Variants in SSH2 observed in about 807,000 individuals in gnomAD.
The protein encoded by SSH2 is slingshot protein phosphatase 2, also known as protein phosphatase Slingshot homolog 2.
Under a neutral mutation model 135.2 loss-of-function variants are expected in SSH2, and 37 were observed. The ratio of observed to expected loss-of-function variants is 0.27; its 90% CI spans 0.21 to 0.36. The LOEUF (loss-of-function observed/expected upper bound fraction) is 0.36, where lower values mean the gene tolerates loss of function less well. SSH2 is among the 10% of genes least tolerant of loss of function. The probability of loss-of-function intolerance (pLI) is 1.00; values close to 1 mark genes in which losing one functional copy is unlikely to be tolerated. For missense variants in SSH2, 1,408 were observed against 1,765.3 expected (o/e 0.80, Z 3.63); for synonymous variants, 628 against 646.2 (o/e 0.97, Z 0.43).
chr17:29,674,076 A>T (rs2037607032), intron 8 of SSH2: 1 of 456,604 alleles, frequency 2.2e-6, no homozygotes, highest in Non-Finnish European at 4.4e-6. Flanking sequence ...GCATATTGGC[A>T]AATCACTCTC....
intron 1 of SSH2, among the ~76,000 whole-genome samples, chr17:29,913,903 G>A (rs1209820153): frequency 2.6e-5 from 4 of 152,000 alleles, no homozygotes; most frequent in Non-Finnish European, 1.5e-5. Flanking sequence ...CAAAGTGCTG[G>A]AATTACAGGC....
At chr17:29,808,981 T>C (rs1444255392) in intron 2 of SSH2, among the ~76,000 whole-genome samples, 1 of 152,184 alleles carries the variant, frequency 6.6e-6, no homozygotes, top group Non-Finnish European at 1.5e-5. Flanking sequence ...AGGCTGGGAA[T>C]GGTGGCTCAT....
chr17:29,762,183 AT>A (rs34151179), intron 3 of SSH2, among the ~76,000 whole-genome samples: 39,792 of 149,196 alleles, frequency 0.27, 6,016 homozygotes, highest in Non-Finnish European at 0.34. Context: ...TCCCGGCAAG[AT>A]TTTTTTTTTT....
chr17:29,897,454 A>T (rs1468895464), intron 1 of SSH2, among the ~76,000 whole-genome samples: 3 of 152,170 alleles, frequency 2.0e-5, no homozygotes, highest in South Asian at 4.1e-4. Flanking sequence ...AAGCAAATGG[A>T]AAACAAAAAA....
intron 3 of SSH2, among the ~76,000 whole-genome samples, chr17:29,725,315 C>G (rs2039964721): frequency 8.4e-6 from 1 of 118,726 alleles, no homozygotes. Flanking sequence ...CCACTGCACT[C>G]CAGCCTGGGC....
chr17:29,798,646 C>T (rs1008685602), intron 2 of SSH2, among the ~76,000 whole-genome samples: 1 of 152,090 alleles, frequency 6.6e-6, no homozygotes, highest in Non-Finnish European at 1.5e-5. Context: ...TTATAATTAT[C>T]CCATTTTAGG....
Position 29,712,283 on chromosome 17 carries a change from T to C in SSH2, c.189-9221A>G, listed in dbSNP as rs1265248402. ...ACAAGGAAATTCCTTGTGAGGGAGG[T>C]ATGTAGCTTTTAAAAAACTTAGTAG... On this transcript the variant is annotated intron_variant, in intron 3 of 15. Coordinates refer to ENST00000540801, the MANE Select transcript of SSH2 (RefSeq NM_001282129.2). Among the ~76,000 whole-genome samples the C allele has an allele frequency of 3.3e-5, 5 of 152,088 alleles. 1 individual carries two copies. Among genetic ancestry groups the C allele is most frequent in the Non-Finnish European group, 7.4e-5 (5 of 68,000 alleles).
intron 3 of SSH2, among the ~76,000 whole-genome samples, chr17:29,753,422 C>A (rs1046052323): frequency 6.6e-6 from 1 of 151,876 alleles, no homozygotes; most frequent in Non-Finnish European, 1.5e-5. Flanking sequence ...TGAGCCACTG[C>A]GCCCGGCTTA....
chr17:29,871,602 A>G (rs537136946), intron 1 of SSH2, among the ~76,000 whole-genome samples: 4 of 152,036 alleles, frequency 2.6e-5, no homozygotes, highest in African/African-American at 9.7e-5. Context: ...TTTAAAATAA[A>G]TAAGAAAATA....
At chr17:29,773,834 C>T (rs1395763688) in intron 3 of SSH2, among the ~76,000 whole-genome samples, 7 of 151,972 alleles carry the variant, frequency 4.6e-5, no homozygotes, top group Non-Finnish European at 1.0e-4. Flanking sequence ...TGTGCCACCA[C>T]ACTTGGCTAA....
chr17:29,643,962 T>C (rs2036272014), intron 14 of SSH2, among the ~76,000 whole-genome samples: 1 of 152,180 alleles, frequency 6.6e-6, no homozygotes, highest in South Asian at 2.1e-4. Flanking sequence ...GTGGCAGACA[T>C]CTGGCAATTG....
At chr17:29,913,354 A>T (rs1299243491) in intron 1 of SSH2, among the ~76,000 whole-genome samples, 3 of 51,296 alleles carry the variant, frequency 5.8e-5, no homozygotes, top group East Asian at 5.7e-4. Flanking sequence ...AAAAATATAT[A>T]TATATATATA....
chr17:29,761,550 G>C, intron 3 of SSH2: 3 of 510,328 alleles, frequency 5.9e-6, no homozygotes, highest in Non-Finnish European at 7.6e-6. Context: ...CGCCCGCGCG[G>C]ATCCCGCAGC....
Position 29,879,539 on chromosome 17 carries a change from T to C in SSH2, c.64-30610A>G, listed in dbSNP as rs190049569. On this transcript the variant is annotated intron_variant, in intron 1 of 15. Coordinates refer to ENST00000540801, the MANE Select transcript of SSH2 (RefSeq NM_001282129.2). Reference sequence around the variant, plus strand: ...GACCAAAGTGGTACATTTGTTACAATTGATGTGCTGCTCATTTTCTCATTC... The same window carrying C: ...GACCAAAGTGGTACATTTGTTACAACTGATGTGCTGCTCATTTTCTCATTC... Among the ~76,000 whole-genome samples, 120 of 152,318 alleles carry C rather than the reference T, an allele frequency of 7.9e-4. No individual in the cohort carries two copies. The Middle Eastern group carries it at 0.01, about 13-fold the overall frequency.
At chr17:29,761,105 A>C in intron 3 of SSH2, 1 of 1,286,238 alleles carries the variant, frequency 7.8e-7, no homozygotes, top group Non-Finnish European at 1.0e-6. Context: ...GAAAGAGCAA[A>C]CTTTCTGAGC....
At chr17:29,690,893 A>C (rs1257262506) in intron 5 of SSH2, among the ~76,000 whole-genome samples, 1 of 151,968 alleles carries the variant, frequency 6.6e-6, no homozygotes, top group African/African-American at 2.4e-5. Context: ...GTAGAAACAA[A>C]ACAATGCTCT....
intron 4 of SSH2, among the ~76,000 whole-genome samples, chr17:29,702,481 C>G (rs1186706482): frequency 6.6e-6 from 1 of 151,600 alleles, no homozygotes; most frequent in Non-Finnish European, 1.5e-5. Flanking sequence ...GTGGTAAAAC[C>G]CTGTCTCTAC....
chr17:29,746,160 T>C (rs1202038001), intron 3 of SSH2, among the ~76,000 whole-genome samples: 4 of 152,140 alleles, frequency 2.6e-5, no homozygotes, highest in Non-Finnish European at 5.9e-5. Context: ...TTTGAATCCA[T>C]TTATTTCACT....
chr17:29,712,709 C>G, intron 3 of SSH2, among the ~76,000 whole-genome samples: 1 of 152,120 alleles, frequency 6.6e-6, no homozygotes, highest in East Asian at 1.9e-4. Context: ...AAGGCTGAGG[C>G]AGGAGAATTG....
Sources: allele counts gnomAD v4.1 joint callset (sites outside exome capture counted in the v4.1 genomes callset), GRCh38; gene constraint gnomAD v4.1.1; transcripts MANE v1.5; gene names NCBI Gene and HGNC (gene_info 2026-07-23, HGNC 2026-07-21).